FBRS: variants seen among roughly 807,000 people sequenced by gnomAD.
FBRS encodes probable fibrosin-1.
A neutral mutation model predicts 86.1 loss-of-function variants in FBRS; 15 were observed. That is an observed-to-expected ratio of 0.17 (90% CI 0.12 to 0.27). FBRS has a LOEUF of 0.27. Among genes scored for constraint, FBRS ranks in the 10% least tolerant of loss-of-function variants. FBRS has a pLI of 1.00. For missense variants in FBRS, 1,367 were observed against 1,301.6 expected, an observed-to-expected ratio of 1.05 and a Z score of -0.77; for synonymous variants, 666 against 575.8, an observed-to-expected ratio of 1.16 and a Z score of -2.24.
chr16:30,668,903 G>T lies in FBRS; in HGVS notation c.2290G>T (p.Ala764Ser). 3 of 1,586,560 alleles carry T rather than the reference G, an allele frequency of 1.9e-6. No individual in the cohort carries two copies. The highest frequency in any genetic ancestry group is 2.3e-5 in the East Asian group (1 of 43,814). ...FPAWVRPPEA[A>S]RTPGSDKERP... ...TGCCTGGGTCCGGCCCCCTGAGGCC[G>T]CCCGGACTCCAGGCTCAGACAAGGA... Residue 764 changes from alanine to serine, a missense_variant, in exon 17 of 18, where the codon GCC (alanine) becomes TCC (serine). Ala to Ser is a moderately conservative substitution (Grantham distance 99, BLOSUM62 1). This residue lies in a region of FBRS where 659 missense variants were observed against 678.8 expected (regional missense o/e 0.97). Coordinates refer to ENST00000356166, the MANE Select transcript of FBRS (RefSeq NM_001105079.3).
chr16:30,659,438 C>G lies in FBRS; in HGVS notation c.-81C>G, dbSNP rs1268154708. ...CCTCTCGTCACTGTGCAGCCGCCAGCGCCGCGCCTGCGACCCCGGGCCTGC... is the reference window on the plus strand; with the variant it reads ...CCTCTCGTCACTGTGCAGCCGCCAGGGCCGCGCCTGCGACCCCGGGCCTGC... On this transcript the variant is annotated 5_prime_UTR_variant, in exon 1 of 18. Transcript: ENST00000356166. 1.8e-5 allele frequency: 4 copies of G among 222,832 alleles called. No individual in the cohort carries two copies. Among genetic ancestry groups the G allele is most frequent in the Non-Finnish European group, 3.5e-5 (4 of 114,530 alleles). The allele number at this position is 222,832 out of a possible 1,614,324, so 13.8% of individuals were successfully genotyped here.
chr16:30,668,699 C>T (rs533415615), intron 16 of FBRS, 56 bp downstream of exon 16: 34 of 1,585,240 alleles, frequency 2.1e-5, no homozygotes, highest in South Asian at 1.9e-4. Context: ...AGAGCTCAGA[C>T]GGTCTGGGAG....
rs750820033 is a variant in FBRS, at chr16:30,662,404, T to C, written c.706-16T>C. The C allele has an allele frequency of 1.3e-6, 2 of 1,550,376 alleles. No homozygotes were observed. The highest frequency in any genetic ancestry group is 1.2e-5 in the South Asian group (1 of 84,044). Reference sequence around the variant, plus strand: ...CCACCCACAACCTAACTCTATCCCTTGCCCTTCTTCCCCAGGTCTCCGATG... The same window carrying C: ...CCACCCACAACCTAACTCTATCCCTCGCCCTTCTTCCCCAGGTCTCCGATG... On this transcript the variant is annotated splice_polypyrimidine_tract_variant and intron_variant, in intron 4 of 17. Coordinates refer to ENST00000356166, the MANE Select transcript of FBRS (RefSeq NM_001105079.3).
At chr16:30,664,975 G>A in intron 8 of FBRS, 55 bp downstream of exon 8, 1 of 1,609,192 alleles carries the variant, frequency 6.2e-7, no homozygotes, top group Non-Finnish European at 8.5e-7. Context: ...GGAGGGCATG[G>A]CTTCTGGGGG....
chr16:30,665,535 C>T lies in FBRS; in HGVS notation c.1705-103C>T. 6.8e-7 allele frequency: 1 copy of T among 1,464,960 alleles called. No individual in the cohort carries two copies. The allele number at this position is 1,464,960 out of a possible 1,614,324, so 90.7% of individuals were successfully genotyped here. ...CCTGCCCTGCTGCACCCAGTTTTCT[C>T]CAAAGCCATGATCCCTCCCTGCCCA... On this transcript the variant is annotated intron_variant, in intron 10 of 17. Coordinates refer to ENST00000356166, the MANE Select transcript of FBRS (RefSeq NM_001105079.3). This position sits in a 1 kb window ranked among gnomAD's most constrained non-coding sequence, Gnocchi z 4.1.
chr16:30,660,271 A>G lies in FBRS; in HGVS notation c.468A>G (p.Ala156=). ...CACCTCCTCCTCCACAGAAGGATGC[A>G]TCTCTTCAGCCCCCAGAGCGACTGG... ...FATLEALQKD[A]SLQPPERLEH... The change falls in exon 2 of 18, where the codon GCA becomes GCG. Residue 156 remains alanine, a synonymous_variant. Coordinates refer to ENST00000356166, the MANE Select transcript of FBRS (RefSeq NM_001105079.3). The G allele has an allele frequency of 7.6e-7, 1 of 1,318,138 alleles. No individual in the cohort carries two copies. Among genetic ancestry groups the G allele is most frequent in the South Asian group, 2.3e-5 (1 of 44,346 alleles). 81.7% of individuals were successfully genotyped at this position (1,318,138 alleles called of 1,614,324 possible). A position where few individuals can be genotyped will look rare whatever the true frequency, so the allele number is the denominator to read the frequency against.
chr16:30,662,987 A>C, intron 6 of FBRS, 128 bp downstream of exon 6: 2 of 1,324,696 alleles, frequency 1.5e-6, no homozygotes, highest in Non-Finnish European at 1.9e-6. Flanking sequence ...GAGAAAAACA[A>C]ATGGAAAGAG....
rs752152996 is a variant in FBRS, at chr16:30,658,916, CCACA to C, written c.-598_-595del. On this transcript the variant is annotated 5_prime_UTR_variant, in exon 1 of 18. Coordinates refer to ENST00000356166, the MANE Select transcript of FBRS (RefSeq NM_001105079.3). ...GGGTTTTTCTTTACGTCCTCCTCCC[CCACA>C]CACAAGAAGTCTTTTAAATTCAACT... The C allele has an allele frequency of 6.6e-6, 1 of 152,232 alleles. No homozygotes were observed. The highest frequency in any genetic ancestry group is 2.1e-4 in the South Asian group (1 of 4,832). 9.4% of individuals were successfully genotyped at this position (152,232 alleles called of 1,614,324 possible).
In FBRS at chr16:30,661,181, C is replaced by T. The variant is rs184808197; in HGVS notation, c.641C>T (p.Ala214Val). 314 of 1,550,546 alleles carry T rather than the reference C, an allele frequency of 2.0e-4. No homozygotes were observed. In the East Asian group the frequency reaches 5.0e-3, roughly 25 times the overall value. Residue 214 changes from alanine to valine, a missense_variant and splice_region_variant, in exon 3 of 18, where the codon GCG becomes GTG. Transcript: ENST00000356166. Reference protein sequence around the residue: ...KWPNKRRRKEASSRHSLEAGY... With the variant: ...KWPNKRRRKEVSSRHSLEAGY... The stretch of plus-strand genomic sequence containing the variant: ...CCTCTGGACTCTGGTCTTCCTCAGG[C>T]GTCCTCCCGTCACTCTCTGGAAGCT...
intron 2 of FBRS, 193 bp downstream of exon 2, chr16:30,660,635 C>T: frequency 3.2e-6 from 3 of 932,832 alleles, no homozygotes; most frequent in African/African-American, 1.7e-5. Flanking sequence ...CTCCTTTTGC[C>T]TGGTTCTGTG....
At chr16:30,668,452 C>T in intron 15 of FBRS, 108 bp from the exon 16 acceptor site, 3 of 929,462 alleles carry the variant, frequency 3.2e-6, no homozygotes, top group South Asian at 3.0e-5. Context: ...CTGCTGAAAG[C>T]AGGCAGCTGA....
In FBRS at chr16:30,665,709, G is replaced by A. The variant is rs1567546222; in HGVS notation, c.1773+3G>A. 6.3e-7 allele frequency: 1 copy of A among 1,576,044 alleles called. No individual in the cohort carries two copies. The highest frequency in any genetic ancestry group is 1.2e-5 in the South Asian group (1 of 85,874). Reference sequence around the variant, plus strand: ...GGCTCTCCCAGAAGGGGACACAGGTGAGGGGGCCAGGGCAGGTCCTGGGGG... The same window carrying A: ...GGCTCTCCCAGAAGGGGACACAGGTAAGGGGGCCAGGGCAGGTCCTGGGGG... On this transcript the variant is annotated splice_donor_region_variant and intron_variant, in intron 11 of 17. Transcript: ENST00000356166. This position sits in a 1 kb window ranked among gnomAD's most constrained non-coding sequence, Gnocchi z 4.1.
At position 30,662,589 on chromosome 16, in the gene FBRS, A is replaced by G. The variant is rs1209217313; in HGVS notation, c.785A>G (p.Asn262Ser). Residue 262 changes from asparagine (N) to serine (S), a missense_variant, in exon 6 of 18, where the codon AAC (asparagine) becomes AGC (serine). Asn to Ser is a conservative substitution (Grantham distance 46). Coordinates refer to ENST00000356166, the MANE Select transcript of FBRS (RefSeq NM_001105079.3). Reference sequence around the variant, plus strand: ...GGCCCCCACGGCGCCTTCAATGGGAACTGTGAAGCAAAACTCTCCGTGGTC... The same window carrying G: ...GGCCCCCACGGCGCCTTCAATGGGAGCTGTGAAGCAAAACTCTCCGTGGTC... ...ASGPHGAFNG[N>S]CEAKLSVVPK... is the part of the protein sequence containing the mutation. The G allele has an allele frequency of 5.8e-6, 9 of 1,541,414 alleles. No individual in the cohort carries two copies. In the Admixed American group the frequency reaches 1.6e-4, roughly 27 times the overall value.
intron 4 of FBRS, 107 bp from the exon 5 acceptor site, chr16:30,662,313 T>C: frequency 6.7e-7 from 1 of 1,496,446 alleles, no homozygotes; most frequent in South Asian, 1.2e-5. Context: ...AGGAACAGAC[T>C]TGCCACTACC....
chr16:30,659,862 AGGG>A lies in FBRS; in HGVS notation c.348_350del (p.Gly117del), dbSNP rs1368207773. ...GAGGAAGAGGAGGAGGAGGAGGAGG[AGGG>A]GGGCGCAGACGACGGCGAAGCCGAG... On this transcript the variant is annotated inframe_deletion, in exon 1 of 18. Transcript: ENST00000356166. 10 of 1,532,112 alleles carry A rather than the reference AGGG, an allele frequency of 6.5e-6. No homozygotes were observed. The Admixed American group carries it at 8.0e-5, about 12-fold the overall frequency. 94.9% of individuals were successfully genotyped at this position (1,532,112 alleles called of 1,614,324 possible). A position where few individuals can be genotyped will look rare whatever the true frequency, so the allele number is the denominator to read the frequency against.
chr16:30,659,970 C>A lies in FBRS; in HGVS notation c.452C>A (p.Ala151Asp). ...FAIASFATLEALQKDASLQPP... is the reference protein window; with the variant it reads ...FAIASFATLEDLQKDASLQPP... ...ATCGCCAGCTTCGCCACCCTCGAGG[C>A]CTTGCAGGTGGGGCCTAATGGGGCT... is the stretch of plus-strand genomic sequence containing the variant. Residue 151 changes from alanine to aspartate, a missense_variant, in exon 1 of 18, where the codon GCC becomes GAC. This residue lies in a region of FBRS where 702 missense variants were observed against 598.7 expected (regional missense o/e 1.17). Coordinates refer to ENST00000356166, the MANE Select transcript of FBRS (RefSeq NM_001105079.3). The A allele has an allele frequency of 1.9e-6, 3 of 1,549,876 alleles. No individual in the cohort carries two copies. Among genetic ancestry groups the A allele is most frequent in the Non-Finnish European group, 2.6e-6 (3 of 1,146,758 alleles).
chr16:30,669,539 G>A lies in FBRS; in HGVS notation c.2837G>A (p.Ser946Asn), dbSNP rs138097531. The A allele has an allele frequency of 1.6e-5, 26 of 1,612,806 alleles. No homozygotes were observed. The highest frequency in any genetic ancestry group is 1.9e-5 in the Non-Finnish European group (23 of 1,179,814). Residue 946 changes from serine (S) to asparagine (N), a missense_variant, in exon 18 of 18, where the codon AGC (serine) becomes AAC (asparagine). Physicochemically the swap from Ser to Asn is conservative, Grantham distance 46. This residue lies in a region of FBRS where 659 missense variants were observed against 678.8 expected (regional missense o/e 0.97). Coordinates refer to ENST00000356166, the MANE Select transcript of FBRS (RefSeq NM_001105079.3). This position sits in a 1 kb window ranked among gnomAD's most constrained non-coding sequence, Gnocchi z 5.9. ...GCCCCGGGAACCCCTCACCTTCTCA[G>A]CAAGACCCCACCGGGAGCCCTTTTG... ...AAAPGTPHLL[S>N]KTPPGALLGA...
chr16:30,662,856 G>T lies in FBRS; in HGVS notation c.1052G>T (p.Gly351Val). 1 of 1,446,064 alleles carries T rather than the reference G, an allele frequency of 6.9e-7. No homozygotes were observed. The highest frequency in any genetic ancestry group is 9.1e-7 in the Non-Finnish European group (1 of 1,095,486). The allele number at this position is 1,446,064 out of a possible 1,614,324, so 89.6% of individuals were successfully genotyped here. The part of the protein sequence containing the change: ...PYGSSLDLST[G>V]SSSRPPPKAP... The stretch of plus-strand genomic sequence containing the variant: ...GGCAGCAGCCTGGACCTCAGCACTG[G>T]CAGGTGAGTGGTCTTGGGGGATTGA... Residue 351 changes from glycine (G) to valine (V), a missense_variant, in exon 6 of 18, where the codon GGC (glycine) becomes GTC (valine). Gly to Val is a moderately radical substitution (Grantham distance 109). Coordinates refer to ENST00000356166, the MANE Select transcript of FBRS (RefSeq NM_001105079.3).
In FBRS at chr16:30,664,229, C is replaced by A; in HGVS notation, c.1070C>A (p.Pro357His). The A allele has an allele frequency of 7.0e-7, 1 of 1,430,914 alleles. No homozygotes were observed. The allele number at this position is 1,430,914 out of a possible 1,614,324, so 88.6% of individuals were successfully genotyped here. Residue 357 changes from proline to histidine, a missense_variant, in exon 7 of 18, where the codon CCC (proline) becomes CAC (histidine). Transcript: ENST00000356166. ...TCTCTCCCCAGCTCTTCACGGCCGC[C>A]CCCCAAGGCCCCGGCCCCTCCCGTG... ...DLSTGSSSRP[P>H]PKAPAPPVAQ...
Sources: allele counts gnomAD v4.1 joint callset, GRCh38; gene constraint gnomAD v4.1.1; regional missense constraint gnomAD v4.1.1; non-coding constraint Gnocchi (gnomAD v3.1); transcripts MANE v1.5; gene names NCBI Gene and HGNC (gene_info 2026-07-23, HGNC 2026-07-21).